LRP1B: variants seen among roughly 807,000 people sequenced by gnomAD.
LRP1B encodes the protein low-density lipoprotein receptor-related protein 1B.
In LRP1B, 217 loss-of-function variants were observed where a neutral mutation model predicts 556.6. That is an observed-to-expected ratio of 0.39 (90% CI 0.35 to 0.44). The LOEUF (loss-of-function observed/expected upper bound fraction) is 0.44. Ranked by LOEUF, LRP1B falls within the 20% of genes least tolerant of loss-of-function variation. LRP1B has a pLI of 1.00. For missense variants in LRP1B, 5,053 were observed against 5,620.8 expected (o/e 0.90, Z 3.23); for synonymous variants, 2,047 against 1,865.8 (o/e 1.10, Z -2.50).
chr2:140,868,061 T>TAAA, intron 26 of LRP1B, 38 bp downstream of exon 26: 1 of 1,198,944 alleles, frequency 8.3e-7, no homozygotes, highest in Non-Finnish European at 1.1e-6. Flanking sequence ...ATTATCTAAG[T>TAAA]AAAAAAAAAA....
intron 7 of LRP1B, among the ~76,000 whole-genome samples, chr2:141,074,585 C>CTATATA (rs1412050314): frequency 8.5e-5 from 8 of 94,386 alleles, no homozygotes; most frequent in African/African-American, 3.0e-4. Context: ...CTCTCTCTCT[C>CTATATA]TCTCTATATA....
chr2:141,170,373 G>A (rs895904981), intron 7 of LRP1B, among the ~76,000 whole-genome samples: 2 of 152,044 alleles, frequency 1.3e-5, no homozygotes, highest in African/African-American at 4.8e-5. Context: ...GCATGGTTAT[G>A]GGGATACTGG....
intron 1 of LRP1B, among the ~76,000 whole-genome samples, chr2:141,976,024 A>T (rs539198137): frequency 8.6e-4 from 129 of 150,204 alleles, no homozygotes; most frequent in African/African-American, 3.0e-3. Flanking sequence ...AATGGACTAT[A>T]AAAGTTATAG....
chr2:140,846,381 C>T (rs138482265), intron 29 of LRP1B, among the ~76,000 whole-genome samples: 1,673 of 152,084 alleles, frequency 0.011, 28 homozygotes, highest in Admixed American at 0.043. Flanking sequence ...AAGCCTGAAC[C>T]AAGGAGCTAG....
chr2:142,059,116 A>G (rs1388539515), intron 1 of LRP1B, among the ~76,000 whole-genome samples: 2 of 152,106 alleles, frequency 1.3e-5, no homozygotes, highest in Non-Finnish European at 1.5e-5. Context: ...ACAGGGACAT[A>G]AAGTAGATTC....
intron 35 of LRP1B, among the ~76,000 whole-genome samples, chr2:140,717,365 C>T (rs1241567516): frequency 6.6e-6 from 1 of 151,970 alleles, no homozygotes; most frequent in Non-Finnish European, 1.5e-5. Flanking sequence ...CCTTATAATC[C>T]GATTATTCCT....
At chr2:140,509,534 G>C (rs942344036) in intron 52 of LRP1B, among the ~76,000 whole-genome samples, 1 of 152,150 alleles carries the variant, frequency 6.6e-6, no homozygotes, top group African/African-American at 2.4e-5. Flanking sequence ...TTTAGGATCA[G>C]AGAAGTCATT....
chr2:141,608,736 C>T (rs905813011), intron 2 of LRP1B, among the ~76,000 whole-genome samples: 2 of 152,082 alleles, frequency 1.3e-5, no homozygotes, highest in African/African-American at 4.8e-5. Flanking sequence ...CCATTAACAA[C>T]AAATAGTAAT....
At chr2:141,405,766 C>G (rs1437069235) in intron 3 of LRP1B, among the ~76,000 whole-genome samples, 5 of 151,978 alleles carry the variant, frequency 3.3e-5, no homozygotes, top group African/African-American at 9.7e-5. Context: ...GTTATTTTAT[C>G]AAACATATGA....
At chr2:140,615,201 C>G (rs1166935544) in intron 41 of LRP1B, among the ~76,000 whole-genome samples, 1 of 152,070 alleles carries the variant, frequency 6.6e-6, no homozygotes, top group Non-Finnish European at 1.5e-5. Context: ...GCTGGTGCCA[C>G]CTGGACTGGT....
At position 141,560,642 on chromosome 2, in the gene LRP1B, A is replaced by T. The variant is rs190760108; in HGVS notation, c.206-80109T>A. Among the ~76,000 whole-genome samples the T allele has an allele frequency of 4.9e-4, 75 of 151,808 alleles. No homozygotes were observed. In the Middle Eastern group the frequency reaches 0.01, roughly 21 times the overall value. On this transcript the variant is annotated intron_variant, in intron 2 of 90. Transcript: ENST00000389484. ...TCTCTAGGGAGAAAGGAAAGGAGAAAAATTTTTGTAGCAGAGGCAATCAAT... is the reference window on the plus strand; with the variant it reads ...TCTCTAGGGAGAAAGGAAAGGAGAATAATTTTTGTAGCAGAGGCAATCAAT...
At chr2:140,792,245 A>T (rs1294533353) in intron 32 of LRP1B, among the ~76,000 whole-genome samples, 3 of 152,126 alleles carry the variant, frequency 2.0e-5, no homozygotes, top group Non-Finnish European at 4.4e-5. Flanking sequence ...TAAAATATTA[A>T]TAAATATCGT....
chr2:142,065,235 A>G (rs1705067175), intron 1 of LRP1B, among the ~76,000 whole-genome samples: 1 of 151,484 alleles, frequency 6.6e-6, no homozygotes, highest in East Asian at 1.9e-4. Context: ...ATTATCTTAC[A>G]TTTCAGAAAT....
chr2:141,728,327 A>G (rs1369560384), intron 2 of LRP1B, among the ~76,000 whole-genome samples: 1 of 150,372 alleles, frequency 6.7e-6, no homozygotes, highest in African/African-American at 2.4e-5. Flanking sequence ...GAGGAGTGAC[A>G]ATCCCAGAGC....
intron 3 of LRP1B, among the ~76,000 whole-genome samples, chr2:141,437,356 G>A (rs185436961): frequency 1.3e-5 from 2 of 152,066 alleles, no homozygotes; most frequent in Admixed American, 1.3e-4. Flanking sequence ...TTATAATTTT[G>A]AAGAGATTAA....
intron 31 of LRP1B, among the ~76,000 whole-genome samples, chr2:140,817,318 A>G (rs1691157238): frequency 6.6e-6 from 1 of 152,030 alleles, no homozygotes; most frequent in Admixed American, 6.6e-5. Flanking sequence ...CATAATAAGT[A>G]TACGAAAAAA....
At chr2:141,194,898 T>C (rs16845583) in intron 6 of LRP1B, among the ~76,000 whole-genome samples, 4,413 of 152,184 alleles carry the variant, frequency 0.029, 225 homozygotes, top group African/African-American at 0.1. Flanking sequence ...GACTGCCCTT[T>C]AATTTATATC....
chr2:141,794,921 C>T (rs1007573236), intron 2 of LRP1B, among the ~76,000 whole-genome samples: 1 of 152,004 alleles, frequency 6.6e-6, no homozygotes, highest in Admixed American at 6.6e-5. Flanking sequence ...TTATTTTTAT[C>T]AGAGCTTGGA....
chr2:141,455,598 A>G (rs1482136395), intron 3 of LRP1B, among the ~76,000 whole-genome samples: 2 of 152,194 alleles, frequency 1.3e-5, no homozygotes, highest in Non-Finnish European at 2.9e-5. Flanking sequence ...TCTCCCATCA[A>G]GAAATCTAAA....
Sources: allele counts gnomAD v4.1 joint callset (sites outside exome capture counted in the v4.1 genomes callset), GRCh38; gene constraint gnomAD v4.1.1; transcripts MANE v1.5; gene names NCBI Gene and HGNC (gene_info 2026-07-23, HGNC 2026-07-21).